Variants in BEND6 observed in about 807,000 individuals in gnomAD.
The protein encoded by BEND6 is BEN domain-containing protein 6.
Under a neutral mutation model 31.8 loss-of-function variants are expected in BEND6, and 24 were observed. That is an observed-to-expected ratio of 0.75 (90% CI 0.55 to 1.06). BEND6 has a LOEUF of 1.06. Among genes scored for constraint, BEND6 ranks in the 50% least tolerant of loss-of-function variants. The probability of loss-of-function intolerance (pLI) is 0.00; values close to 1 mark genes in which losing one functional copy is unlikely to be tolerated. For missense variants in BEND6, 294 were observed against 327.4 expected (o/e 0.90, Z 0.79); for synonymous variants, 109 against 114.6 (o/e 0.95, Z 0.31).
chr6:56,977,068 C>T (rs1245754308), intron 1 of BEND6, among the ~76,000 whole-genome samples: 1 of 152,088 alleles, frequency 6.6e-6, no homozygotes, highest in South Asian at 2.1e-4. Context: ...ATTAGTGCAA[C>T]CAAAATAAAT....
chr6:57,012,651 AT>A (rs914733396), intron 3 of BEND6, among the ~76,000 whole-genome samples: 2 of 152,194 alleles, frequency 1.3e-5, no homozygotes, highest in African/African-American at 4.8e-5. Context: ...TCACCTTACC[AT>A]TTTAATTGGG....
intron 3 of BEND6, among the ~76,000 whole-genome samples, chr6:57,012,674 C>G (rs1827388851): frequency 6.6e-6 from 1 of 151,834 alleles, no homozygotes; most frequent in East Asian, 1.9e-4. Context: ...AAAAAAGAGC[C>G]TTGATACAAT....
chr6:57,004,765 A>ATTCAGGTG, intron 3 of BEND6: 11 of 1,044,112 alleles, frequency 1.1e-5, no homozygotes, highest in African/African-American at 1.6e-5. Flanking sequence ...ACATCACCTG[A>ATTCAGGTG]ATGAGCAGGT....
intron 2 of BEND6, 72 bp from the exon 3 acceptor site, chr6:56,992,306 C>G (rs1436299459): frequency 1.4e-6 from 2 of 1,442,350 alleles, no homozygotes; most frequent in African/African-American, 2.9e-5. Flanking sequence ...CAACAACATG[C>G]AATGGTTAAC....
At chr6:57,019,759 C>A (rs1271673607) in intron 6 of BEND6, among the ~76,000 whole-genome samples, 2 of 152,302 alleles carry the variant, frequency 1.3e-5, no homozygotes, top group East Asian at 1.9e-4. Flanking sequence ...CAGTGAAATT[C>A]TTTCCCTTGG....
chr6:56,973,465 A>AATG (rs1408009761), intron 1 of BEND6, among the ~76,000 whole-genome samples: 3 of 152,166 alleles, frequency 2.0e-5, no homozygotes, highest in Non-Finnish European at 4.4e-5. Flanking sequence ...TACCTATGAT[A>AATG]ATGTTTAATT....
At chr6:56,974,374 A>G (rs1043670910) in intron 1 of BEND6, among the ~76,000 whole-genome samples, 13 of 152,230 alleles carry the variant, frequency 8.5e-5, no homozygotes, top group African/African-American at 2.7e-4. Context: ...CCTGCCATCT[A>G]TTATTGTACA....
intron 1 of BEND6, among the ~76,000 whole-genome samples, chr6:56,956,869 G>A (rs1335660750): frequency 6.6e-6 from 1 of 152,212 alleles, no homozygotes; most frequent in African/African-American, 2.4e-5. Context: ...ATCAGGAAAG[G>A]AAGAATTCTC....
At chr6:57,020,894 CTGACTA>C (rs1317671591) in intron 6 of BEND6, among the ~76,000 whole-genome samples, 1 of 148,586 alleles carries the variant, frequency 6.7e-6, no homozygotes, top group Non-Finnish European at 1.5e-5. Context: ...AAACTCATCT[CTGACTA>C]TATCAGCCAG....
intron 3 of BEND6, among the ~76,000 whole-genome samples, chr6:57,002,283 A>C (rs1158563025): frequency 6.6e-6 from 1 of 152,148 alleles, no homozygotes; most frequent in Non-Finnish European, 1.5e-5. Context: ...AGAACACCCC[A>C]CTGACAACAT....
chr6:56,974,031 G>C (rs1320215287), intron 1 of BEND6, among the ~76,000 whole-genome samples: 2 of 152,172 alleles, frequency 1.3e-5, no homozygotes, highest in Non-Finnish European at 2.9e-5. Context: ...GGGATTACAG[G>C]CATAAGCCAT....
chr6:56,970,190 C>T (rs919541662), intron 1 of BEND6, among the ~76,000 whole-genome samples: 1 of 151,980 alleles, frequency 6.6e-6, no homozygotes, highest in African/African-American at 2.4e-5. Flanking sequence ...ATTCCTCCAA[C>T]CACATTTTTT....
intron 2 of BEND6, among the ~76,000 whole-genome samples, chr6:56,987,400 C>A (rs571483730): frequency 6.6e-6 from 1 of 152,168 alleles, no homozygotes; most frequent in South Asian, 2.1e-4. Flanking sequence ...TGTCTCTGAC[C>A]CATTTATCTG....
intron 2 of BEND6, among the ~76,000 whole-genome samples, chr6:56,986,544 T>G (rs1826281553): frequency 6.6e-6 from 1 of 152,208 alleles, no homozygotes; most frequent in African/African-American, 2.4e-5. Flanking sequence ...ACTGATCTCA[T>G]CTGGCTTTCA....
intron 3 of BEND6, among the ~76,000 whole-genome samples, chr6:57,001,048 G>A (rs889679102): frequency 3.6e-4 from 55 of 150,816 alleles, no homozygotes; most frequent in African/African-American, 9.7e-5. Flanking sequence ...ATACCCACAT[G>A]AAAAAGAAAA....
chr6:56,997,206 C>G (rs1562549750), intron 3 of BEND6, among the ~76,000 whole-genome samples: 1 of 152,172 alleles, frequency 6.6e-6, no homozygotes, highest in Non-Finnish European at 1.5e-5. Context: ...TCACCTCTGC[C>G]TAGAATGTTC....
chr6:56,956,191 A>T (rs891362971), intron 1 of BEND6, among the ~76,000 whole-genome samples: 2 of 152,264 alleles, frequency 1.3e-5, no homozygotes, highest in African/African-American at 4.8e-5. Context: ...ACAAGGTAAC[A>T]CTTGACTGCA....
intron 3 of BEND6, among the ~76,000 whole-genome samples, chr6:57,003,649 G>A (rs1381031162): frequency 6.6e-6 from 1 of 152,108 alleles, no homozygotes; most frequent in African/African-American, 2.4e-5. Context: ...AAAAAATTGA[G>A]GAGGGAAGGA....
At chr6:56,994,723 T>C (rs1191869453) in intron 3 of BEND6, among the ~76,000 whole-genome samples, 1 of 152,144 alleles carries the variant, frequency 6.6e-6, no homozygotes, top group Non-Finnish European at 1.5e-5. Context: ...ATTGTTATTA[T>C]ACATTTTTAT....
Sources: gnomAD v4.1 joint callset for allele counts (sites outside exome capture counted in the v4.1 genomes callset) on GRCh38, gnomAD v4.1.1 for gene constraint, MANE v1.5 for transcripts, NCBI Gene and HGNC (gene_info 2026-07-23, HGNC 2026-07-21) for gene names.